Variants in ABCA1 observed in about 807,000 individuals in gnomAD.
The protein encoded by ABCA1 is ATP binding cassette subfamily A member 1.
A neutral mutation model predicts 262.5 loss-of-function variants in ABCA1; 133 were observed. That is an observed-to-expected ratio of 0.51 (90% CI 0.44 to 0.59). The LOEUF (loss-of-function observed/expected upper bound fraction) is 0.59, where lower values mean the gene tolerates loss of function less well. Among genes scored for constraint, ABCA1 ranks in the 20% least tolerant of loss-of-function variants. The pLI, the probability that ABCA1 is intolerant of heterozygous loss-of-function variation, is 0.00. For missense variants in ABCA1, 2,452 were observed against 2,777.5 expected (o/e 0.88, Z 2.63); for synonymous variants, 1,022 against 1,043.5 (o/e 0.98, Z 0.40).
At chr9:104,868,425 G>A (rs964428633) in intron 5 of ABCA1, among the ~76,000 whole-genome samples, 32 of 152,204 alleles carry the variant, frequency 2.1e-4, no homozygotes, top group African/African-American at 7.2e-4. Context: ...GATCAAGAAC[G>A]TGAACGTGCT....
chr9:104,923,727 G>A (rs1281299674), intron 1 of ABCA1, among the ~76,000 whole-genome samples: 1 of 152,184 alleles, frequency 6.6e-6, no homozygotes, highest in African/African-American at 2.4e-5. Flanking sequence ...ACAATAAATG[G>A]TTTTGTTGTG....
At chr9:104,917,981 G>A (rs780192731) in intron 1 of ABCA1, among the ~76,000 whole-genome samples, 1 of 151,976 alleles carries the variant, frequency 6.6e-6, no homozygotes, top group Non-Finnish European at 1.5e-5. Flanking sequence ...CCAATTACAG[G>A]TCAAATATAA....
chr9:104,866,748 A>C (rs1383564890), intron 5 of ABCA1, among the ~76,000 whole-genome samples: 1 of 152,138 alleles, frequency 6.6e-6, no homozygotes, highest in Non-Finnish European at 1.5e-5. Context: ...TTGGCCTCCC[A>C]AAGTGCTAGG....
intron 5 of ABCA1, among the ~76,000 whole-genome samples, chr9:104,878,380 T>C (rs570219992): frequency 6.6e-6 from 1 of 152,318 alleles, no homozygotes; most frequent in East Asian, 1.9e-4. Context: ...TAGGATGATT[T>C]CAAGGATAAT....
intron 25 of ABCA1, among the ~76,000 whole-genome samples, chr9:104,814,749 A>G (rs925486573): frequency 6.6e-6 from 1 of 152,152 alleles, no homozygotes; most frequent in African/African-American, 2.4e-5. Context: ...TAATCCCAGC[A>G]CTTTGGGAGG....
At chr9:104,842,105 T>C (rs1834429769) in intron 8 of ABCA1, among the ~76,000 whole-genome samples, 2 of 152,144 alleles carry the variant, frequency 1.3e-5, no homozygotes, top group African/African-American at 4.8e-5. Context: ...GGTCCAGCAC[T>C]CTCTAGGTCC....
rs554925551 is a variant in ABCA1 at position 104,912,831 on chromosome 9, C to T, written c.-92-9060G>A. ...ACATTCTATGTCATAGAAAAAAAAT[C>T]AATTTTTTTCAGTCACAATCATAAC... On this transcript the variant is annotated intron_variant, in intron 1 of 49. Coordinates refer to ENST00000374736, the MANE Select transcript of ABCA1 (RefSeq NM_005502.4). Among the ~76,000 whole-genome samples the T allele has an allele frequency of 3.3e-5, 5 of 150,350 alleles. No individual in the cohort carries two copies. The East Asian group carries it at 9.9e-4, about 30-fold the overall frequency.
At chr9:104,853,186 T>C (rs1835529535) in intron 7 of ABCA1, among the ~76,000 whole-genome samples, 1 of 152,166 alleles carries the variant, frequency 6.6e-6, no homozygotes. Flanking sequence ...ACGTGGACAG[T>C]GGAACCACTG....
chr9:104,922,836 C>T (rs1309484603), intron 1 of ABCA1, among the ~76,000 whole-genome samples: 1 of 152,084 alleles, frequency 6.6e-6, no homozygotes, highest in African/African-American at 2.4e-5. Flanking sequence ...TTCAGCCTCC[C>T]AATCCCAGTA....
Position 104,806,260 on chromosome 9 carries a change from C to A in ABCA1, c.4445G>T (p.Gly1482Val). The change falls in exon 31 of 50, where the codon GGG (glycine) becomes GTG (valine). Residue 1482 changes from glycine to valine, a missense_variant. Coordinates refer to ENST00000374736, the MANE Select transcript of ABCA1 (RefSeq NM_005502.4). The stretch of plus-strand genomic sequence containing the variant: ...ACTCACTTGTGGAGGAGGCAGCCCC[C>A]CTGCCCCTGGGGGACACACAGGCAG... Reference protein sequence around the residue: ...KMLPVCPPGAGGLPPPQRKQN... With the variant: ...KMLPVCPPGAVGLPPPQRKQN... The A allele has an allele frequency of 6.2e-7, 1 of 1,613,394 alleles. No individual in the cohort carries two copies. Among genetic ancestry groups the A allele is most frequent in the East Asian group, 2.2e-5 (1 of 44,878 alleles).
intron 5 of ABCA1, among the ~76,000 whole-genome samples, chr9:104,874,911 T>TG (rs1838005141): frequency 6.8e-6 from 1 of 146,132 alleles, no homozygotes. Flanking sequence ...GTCCGGGAGG[T>TG]GGGGGGCGCC....
chr9:104,898,526 G>A (rs972424721), intron 2 of ABCA1, among the ~76,000 whole-genome samples: 1 of 151,470 alleles, frequency 6.6e-6, no homozygotes, highest in African/African-American at 2.4e-5. Context: ...CAGCCTGGGC[G>A]ACAGAACTAG....
Position 104,809,498 on chromosome 9 carries a change from G to A in ABCA1, c.4242C>T (p.Phe1414=), listed in dbSNP as rs772310772. 5 of 1,614,192 alleles carry A rather than the reference G, an allele frequency of 3.1e-6. No homozygotes were observed. The highest frequency in any genetic ancestry group is 1.1e-5 in the South Asian group (1 of 91,072). Residue 1414 remains phenylalanine (F), a synonymous_variant, in exon 30 of 50, where the codon TTC becomes TTT. Coordinates refer to ENST00000374736, the MANE Select transcript of ABCA1 (RefSeq NM_005502.4). ...LLNALTKDPG[F]GTRCMEGNPI... is the part of the protein sequence containing the mutation. The stretch of plus-strand genomic sequence containing the variant: ...GGTTTCCTTCCATACAGCGGGTCCC[G>A]AAGCCAGGGTCTTTGGTGAGGGCGT...
chr9:104,892,576 T>A (rs545914148), intron 2 of ABCA1, among the ~76,000 whole-genome samples: 2 of 152,280 alleles, frequency 1.3e-5, no homozygotes, highest in Admixed American at 1.3e-4. Context: ...AGGGACCCTA[T>A]TTATATATAA....
chr9:104,851,788 G>A (rs750744389), intron 7 of ABCA1, among the ~76,000 whole-genome samples: 33 of 152,214 alleles, frequency 2.2e-4, no homozygotes, highest in Non-Finnish European at 3.7e-4. Flanking sequence ...GCATGGCACT[G>A]ATTAGGGCTC....
chr9:104,890,103 C>T (rs1839575938), intron 2 of ABCA1, among the ~76,000 whole-genome samples: 1 of 152,192 alleles, frequency 6.6e-6, no homozygotes, highest in South Asian at 2.1e-4. Context: ...TGAAGTCTAT[C>T]ACCTCTCCCA....
intron 4 of ABCA1, among the ~76,000 whole-genome samples, chr9:104,883,784 T>A (rs1477837286): frequency 6.6e-6 from 1 of 152,198 alleles, no homozygotes; most frequent in African/African-American, 2.4e-5. Flanking sequence ...TCGTCCTTAC[T>A]CCGTCCTAAC....
At chr9:104,824,634 G>T in intron 17 of ABCA1, 56 bp from the exon 18 acceptor site, 1 of 1,594,466 alleles carries the variant, frequency 6.3e-7, no homozygotes, top group Admixed American at 1.7e-5. Flanking sequence ...TATTCTGAGG[G>T]TTTCCCAGCC....
In ABCA1 at chr9:104,791,016, G is replaced by A. The variant is rs2118855337; in HGVS notation, c.5833C>T (p.Leu1945=). The change falls in exon 44 of 50, where the codon CTG becomes TTG. Residue 1945 remains leucine (L), a synonymous_variant. Transcript: ENST00000374736. The stretch of plus-strand genomic sequence containing the variant: ...GATTTTCCAGCCCCATTAACTCCCA[G>A]GAGCCCAAAGCACTGAAAAGGAAAG... ...GIPPGECFGL[L]GVNGAGKSST... is the part of the protein sequence containing the mutation. 1 of 1,613,360 alleles carries A rather than the reference G, an allele frequency of 6.2e-7. No homozygotes were observed. The highest frequency in any genetic ancestry group is 1.1e-5 in the South Asian group (1 of 91,058).
Sources: gnomAD v4.1 joint callset for allele counts (sites outside exome capture counted in the v4.1 genomes callset) on GRCh38, gnomAD v4.1.1 for gene constraint, MANE v1.5 for transcripts, NCBI Gene and HGNC (gene_info 2026-07-23, HGNC 2026-07-21) for gene names.